CGNL1: variants seen among roughly 807,000 people sequenced by gnomAD.
The protein encoded by CGNL1 is cingulin-like protein 1.
Under a neutral mutation model 141.2 loss-of-function variants are expected in CGNL1, and 132 were observed. The observed-to-expected ratio is 0.93, with a 90% CI of 0.81 to 1.08. The LOEUF is 1.08. Among genes scored for constraint, CGNL1 ranks in the 50% least tolerant of loss-of-function variants. CGNL1 has a pLI of 0.00. For missense variants in CGNL1, 1,870 were observed against 1,588.6 expected (o/e 1.18, Z -3.01); for synonymous variants, 690 against 622.1 (o/e 1.11, Z -1.63).
At chr15:57,387,016 A>T (rs754343) in intron 1 of CGNL1, among the ~76,000 whole-genome samples, 1 of 151,860 alleles carries the variant, frequency 6.6e-6, no homozygotes, top group African/African-American at 2.4e-5. Context: ...AACCATCACC[A>T]CTATCTAATT....
intron 8 of CGNL1, 62 bp from the exon 9 acceptor site, chr15:57,516,718 C>G: frequency 6.5e-7 from 1 of 1,539,428 alleles, no homozygotes; most frequent in East Asian, 2.3e-5. Context: ...AGCCATTCTT[C>G]CAGCCTGGGG....
intron 1 of CGNL1, among the ~76,000 whole-genome samples, chr15:57,410,315 A>T (rs115258432): frequency 6.6e-6 from 1 of 152,222 alleles, no homozygotes; most frequent in African/African-American, 2.4e-5. Flanking sequence ...AAAGTGCACA[A>T]AACAGTACCT....
intron 1 of CGNL1, among the ~76,000 whole-genome samples, chr15:57,378,962 G>A (rs566798502): frequency 6.5e-4 from 99 of 152,188 alleles, no homozygotes; most frequent in Non-Finnish European, 1.1e-3. Flanking sequence ...TACATGCAGC[G>A]CATTGTCTTA....
intron 1 of CGNL1, among the ~76,000 whole-genome samples, chr15:57,378,236 C>T (rs769301662): frequency 3.3e-5 from 5 of 151,972 alleles, no homozygotes; most frequent in African/African-American, 9.7e-5. Context: ...TGATAGTCTC[C>T]GGGGATCTTG....
intron 10 of CGNL1, among the ~76,000 whole-genome samples, chr15:57,522,241 A>T (rs1291834735): frequency 3.3e-5 from 5 of 152,184 alleles, no homozygotes; most frequent in Non-Finnish European, 7.3e-5. Context: ...CTGCTTCTCA[A>T]AGTGCAGCCA....
At chr15:57,422,171 T>C (rs1295133027) in intron 1 of CGNL1, among the ~76,000 whole-genome samples, 1 of 152,070 alleles carries the variant, frequency 6.6e-6, no homozygotes, top group African/African-American at 2.4e-5. Context: ...CTGCCTTTTA[T>C]GTTTCTTCCT....
intron 7 of CGNL1, among the ~76,000 whole-genome samples, chr15:57,458,868 C>A (rs1180818605): frequency 1.3e-5 from 2 of 152,204 alleles, no homozygotes; most frequent in African/African-American, 4.8e-5. Flanking sequence ...GCATGGGTCT[C>A]TTGACATTTC....
intron 12 of CGNL1, 38 bp downstream of exon 12, chr15:57,524,789 A>G (rs1185779043): frequency 6.3e-7 from 1 of 1,598,398 alleles, no homozygotes. Context: ...TTTATCCCTT[A>G]TTCAAAGTAT....
intron 1 of CGNL1, among the ~76,000 whole-genome samples, chr15:57,378,150 A>T (rs950552564): frequency 2.0e-5 from 3 of 152,214 alleles, no homozygotes; most frequent in Non-Finnish European, 4.4e-5. Context: ...AGGAAAATGT[A>T]ACCATGCTTA....
chr15:57,385,807 G>T (rs7164059), intron 1 of CGNL1, among the ~76,000 whole-genome samples: 43,333 of 152,128 alleles, frequency 0.28, 7,747 homozygotes, highest in East Asian at 0.56. Flanking sequence ...GGGTGGTGAT[G>T]GCTCCTGGCA....
At chr15:57,426,666 C>G (rs2062979204) in intron 1 of CGNL1, among the ~76,000 whole-genome samples, 1 of 147,222 alleles carries the variant, frequency 6.8e-6, no homozygotes, top group South Asian at 2.2e-4. Context: ...GCCATGTTGC[C>G]CAGGCTGGTC....
chr15:57,383,878 A>T (rs949974304), intron 1 of CGNL1, among the ~76,000 whole-genome samples: 1 of 151,870 alleles, frequency 6.6e-6, no homozygotes, highest in African/African-American at 2.4e-5. Flanking sequence ...AGCTCAAGCC[A>T]TCCACCCACC....
intron 8 of CGNL1, among the ~76,000 whole-genome samples, chr15:57,482,137 G>A (rs1315015221): frequency 2.0e-5 from 3 of 151,160 alleles, no homozygotes; most frequent in African/African-American, 7.3e-5. Flanking sequence ...AAACTGTTGA[G>A]TTTTCAAAAT....
intron 8 of CGNL1, among the ~76,000 whole-genome samples, chr15:57,485,901 T>C (rs1176299414): frequency 1.3e-5 from 2 of 152,230 alleles, no homozygotes; most frequent in Non-Finnish European, 2.9e-5. Context: ...GTGCCATTTC[T>C]TTCTTCTGGT....
At chr15:57,400,417 G>A (rs1365823001) in intron 1 of CGNL1, among the ~76,000 whole-genome samples, 1 of 152,150 alleles carries the variant, frequency 6.6e-6, no homozygotes, top group Non-Finnish European at 1.5e-5. Flanking sequence ...TTCCATCTGT[G>A]TCAAGTTGTG....
intron 1 of CGNL1, among the ~76,000 whole-genome samples, chr15:57,418,393 A>G (rs1383902101): frequency 6.6e-6 from 1 of 150,782 alleles, no homozygotes; most frequent in Admixed American, 6.6e-5. Flanking sequence ...TTTCTCTCCT[A>G]TTCGGTTTCT....
chr15:57,457,667 G>A (rs913219211), intron 7 of CGNL1, among the ~76,000 whole-genome samples: 7 of 152,302 alleles, frequency 4.6e-5, no homozygotes, highest in East Asian at 1.9e-4. Flanking sequence ...AACAAGAGGC[G>A]TGAGAGCCAA....
chr15:57,431,419 C>A (rs758679750), intron 1 of CGNL1, among the ~76,000 whole-genome samples: 1 of 152,206 alleles, frequency 6.6e-6, no homozygotes, highest in Non-Finnish European at 1.5e-5. Flanking sequence ...ACATAAAGCT[C>A]AGTTTAGGTA....
At chr15:57,427,669 C>T (rs187475673) in intron 1 of CGNL1, among the ~76,000 whole-genome samples, 5 of 152,328 alleles carry the variant, frequency 3.3e-5, no homozygotes, top group East Asian at 3.9e-4. Flanking sequence ...CAACATATTC[C>T]GAGGGAGAAT....
Sources: gnomAD v4.1 joint callset for allele counts (sites outside exome capture counted in the v4.1 genomes callset) on GRCh38, gnomAD v4.1.1 for gene constraint, MANE v1.5 for transcripts, NCBI Gene and HGNC (gene_info 2026-07-23, HGNC 2026-07-21) for gene names.